Variants in CT45A10 observed in about 807,000 individuals in gnomAD.
CT45A10 encodes the protein cancer/testis antigen family 45 member A10.
In CT45A10, 19 loss-of-function variants were observed where a neutral mutation model predicts 8.3. The observed-to-expected ratio is 2.30, with a 90% CI of 1.61 to 3.38. CT45A10 has a LOEUF of 3.38. CT45A10 is among the 30% of genes most tolerant of loss of function. The pLI, the probability that CT45A10 is intolerant of heterozygous loss-of-function variation, is 0.00. For missense variants in CT45A10, 149 were observed against 85.9 expected, an observed-to-expected ratio of 1.73 and a Z score of -2.90; for synonymous variants, 28 against 26.5, an observed-to-expected ratio of 1.06 and a Z score of -0.17.
chrX:135,890,818 G>C (rs1279241278), intron 1 of CT45A10, among the ~76,000 whole-genome samples: 1 of 112,058 alleles, frequency 8.9e-6, no homozygotes, highest in Non-Finnish European at 1.9e-5. Flanking sequence ...CAAATCGAAG[G>C]TTTGGTAAAG....
intron 1 of CT45A10, among the ~76,000 whole-genome samples, chrX:135,889,928 C>G (rs2088484366): frequency 9.0e-6 from 1 of 111,631 alleles, no homozygotes; most frequent in Non-Finnish European, 1.9e-5. Context: ...AACCCCTGAC[C>G]TAAACTACTT....
rs1337490142 is a variant in CT45A10 at position 135,883,152 on chromosome X, C to G, written c.274G>C (p.Ala92Pro). 8.3e-7 allele frequency: 1 copy of G among 1,198,863 alleles called. No individual in the cohort carries two copies. The highest frequency in any genetic ancestry group is 1.8e-5 in the South Asian group (1 of 56,018). ...CTGGTAACGTTTCCTCCCACAGGTG[C>G]ATTGCTACCAGGTTTCTGCATCATC... ...DGMMQKPGSN[A>P]PVGGNVTSNF... Residue 92 changes from alanine to proline, a missense_variant, in exon 3 of 5, where the codon GCA (alanine) becomes CCA (proline). Physicochemically the swap from Ala to Pro is conservative, Grantham distance 27. Transcript: ENST00000682849.
chrX:135,892,935 CAT>C lies in CT45A10; in HGVS notation c.-7+408_-7+409del, dbSNP rs2088522146. 2.7e-5 allele frequency among the ~76,000 whole-genome samples: 3 copies of C among 109,843 alleles called. No individual in the cohort carries two copies. The South Asian group carries it at 1.2e-3, about 44-fold the overall frequency. ...AGCCACCACCACCCCGGCCCTTGAA[CAT>C]AGACAGAGCTCCCAAGGCAGAGTCC... On this transcript the variant is annotated intron_variant, in intron 1 of 4. Transcript: ENST00000682849.
At chrX:135,883,293 G>C (rs1251063801) in intron 2 of CT45A10, 37 bp from the exon 3 acceptor site, 4 of 1,193,362 alleles carry the variant, frequency 3.4e-6, no homozygotes, top group South Asian at 1.8e-5. Context: ...CCATCAGTTG[G>C]TGTTTGACCA....
chrX:135,882,134 G>A (rs2088383660), intron 4 of CT45A10, among the ~76,000 whole-genome samples: 1 of 43,101 alleles, frequency 2.3e-5, no homozygotes, highest in African/African-American at 1.0e-4. Flanking sequence ...TCTCTGTAAC[G>A]CAAAGGATAA....
intron 1 of CT45A10, among the ~76,000 whole-genome samples, 102 bp downstream of exon 1, chrX:135,893,243 A>G (rs2088526999): frequency 9.0e-6 from 1 of 111,470 alleles, no homozygotes; most frequent in African/African-American, 3.3e-5. Flanking sequence ...CCGACAGAGA[A>G]CACCTCAGAA....
chrX:135,889,754 T>C (rs946347682), intron 1 of CT45A10, among the ~76,000 whole-genome samples: 9 of 107,100 alleles, frequency 8.4e-5, no homozygotes, highest in African/African-American at 3.1e-4. Context: ...AGGAGACCAC[T>C]ACTACTCCTG....
chrX:135,889,366 C>G (rs1293101231), intron 1 of CT45A10: 2 of 109,626 alleles, frequency 1.8e-5, no homozygotes, highest in African/African-American at 6.7e-5. Flanking sequence ...GTGGTCCCAA[C>G]TACTCGGGAA....
chrX:135,892,018 G>GAAAAAA (rs11437506), intron 1 of CT45A10, among the ~76,000 whole-genome samples: 1 of 98,210 alleles, frequency 1.0e-5, no homozygotes. Flanking sequence ...AAAGTGCTCC[G>GAAAAAA]AAAAAAAAAA....
Position 135,883,245 on chromosome X carries a change from CT to C in CT45A10, c.180del (p.Gly61AspfsTer24), listed in dbSNP as rs2088408718. Reference protein sequence around the residue: ...SAMSKEKKLMTGHAIPPSQLD... With the variant: ...SAMSKEKKLMXGHAIPPSQLD... ...AATTGGCTGGGTGGAATAGCATGTC[CT>C]GTCATAAGCTCTGGTGAAACAAATT... On this transcript the variant is annotated frameshift_variant, in exon 3 of 5. Transcript: ENST00000682849. LOFTEE classifies it high-confidence loss of function. 8.4e-7 allele frequency: 1 copy of C among 1,194,946 alleles called. No homozygotes were observed. The highest frequency in any genetic ancestry group is 1.8e-5 in the African/African-American group (1 of 56,224).
rs1326009534 is a variant in CT45A10 at position 135,883,050 on chromosome X, T to C, written c.376A>G (p.Ile126Val). The C allele has an allele frequency of 6.6e-5, 79 of 1,197,371 alleles. 3 individuals are homozygous for C. Among genetic ancestry groups the C allele is most frequent in the Non-Finnish European group, 8.5e-5 (75 of 885,512 alleles). ...ATTTCCTTCACTACTTGACATTTTA[T>C]ATCAGCATTAATTTCTTGTTGGCTT... ...PKSQQEINAD[I>V]KCQVVKEIRC... The change falls in exon 3 of 5, where the codon ATA becomes GTA. Residue 126 changes from isoleucine to valine, a missense_variant. Coordinates refer to ENST00000682849, the MANE Select transcript of CT45A10 (RefSeq NM_001291529.2).
Position 135,882,617 on chromosome X carries a change from A to C in CT45A10, c.431T>G (p.Ile144Ser). Residue 144 changes from isoleucine (I) to serine (S), a missense_variant, in exon 4 of 5, where the codon ATC (isoleucine) becomes AGC (serine). Coordinates refer to ENST00000682849, the MANE Select transcript of CT45A10 (RefSeq NM_001291529.2). ...IRCLGRKYEK[I>S]FEMLEGVQGP... ...TTGCACTCCTTCAAGCATTTCGAAG[A>C]TTTTTTCATATTCTGAAGATGTTGA... is the stretch of plus-strand genomic sequence containing the variant. 1.2e-5 allele frequency: 14 copies of C among 1,161,996 alleles called. No homozygotes were observed. The highest frequency in any genetic ancestry group is 1.6e-5 in the Non-Finnish European group (14 of 868,651).
intron 1 of CT45A10, among the ~76,000 whole-genome samples, chrX:135,886,785 C>T (rs1367993453): frequency 1.3e-4 from 9 of 69,408 alleles, no homozygotes; most frequent in Non-Finnish European, 2.0e-4. Context: ...TTTTTTGAGT[C>T]GGAGCCTCGC....
chrX:135,892,906 G>A (rs1439373554), intron 1 of CT45A10, among the ~76,000 whole-genome samples: 2 of 109,588 alleles, frequency 1.8e-5, no homozygotes, highest in African/African-American at 6.7e-5. Context: ...TGTGTCCAGG[G>A]CACAGCCACC....
At chrX:135,882,861 G>C in intron 3 of CT45A10, 147 bp downstream of exon 3, 1 of 616,727 alleles carries the variant, frequency 1.6e-6, no homozygotes, top group Non-Finnish European at 2.5e-6. Flanking sequence ...ACATGCTTTA[G>C]TCAAAGAAAA....
Position 135,891,611 on chromosome X carries a change from T to G in CT45A10, c.-7+1734A>C, listed in dbSNP as rs782587588. ...ATACCCGGACTCTGACTTTACTCCA[T>G]TCCATGAAAATTTATTTGAGGTGAA... On this transcript the variant is annotated intron_variant, in intron 1 of 4. Coordinates refer to ENST00000682849, the MANE Select transcript of CT45A10 (RefSeq NM_001291529.2). 5.0e-4 allele frequency among the ~76,000 whole-genome samples: 55 copies of G among 110,169 alleles called. 1 individual carries two copies. Among genetic ancestry groups the G allele is most frequent in the Non-Finnish European group, 8.7e-4 (46 of 52,828 alleles).
intron 1 of CT45A10, among the ~76,000 whole-genome samples, chrX:135,891,237 C>T (rs1311565920): frequency 9.1e-6 from 1 of 110,460 alleles, no homozygotes; most frequent in East Asian, 2.8e-4. Flanking sequence ...ATAAAGAATA[C>T]ATTGTTTAAT....
intron 1 of CT45A10, among the ~76,000 whole-genome samples, chrX:135,889,920 C>T (rs1013297055): frequency 1.8e-5 from 2 of 111,383 alleles, no homozygotes; most frequent in Non-Finnish European, 3.8e-5. Context: ...ATAATTTCAA[C>T]CCCTGACCTA....
At position 135,883,127 on chromosome X, in the gene CT45A10, C is replaced by A; in HGVS notation, c.299G>T (p.Ser100Ile). Residue 100 changes from serine to isoleucine, a missense_variant, in exon 3 of 5, where the codon AGC becomes ATC. Transcript: ENST00000682849. ...SNAPVGGNVT[S>I]NFSGDDLECR... ...TTCTAGGTCATCTCCAGAGAAATTGCTGGTAACGTTTCCTCCCACAGGTGC... is the reference window on the plus strand; with the variant it reads ...TTCTAGGTCATCTCCAGAGAAATTGATGGTAACGTTTCCTCCCACAGGTGC... 5 of 1,198,977 alleles carry A rather than the reference C, an allele frequency of 4.2e-6. 1 individual carries two copies. The highest frequency in any genetic ancestry group is 3.4e-6 in the Non-Finnish European group (3 of 885,944).
Sources: gnomAD v4.1 joint callset for allele counts (sites outside exome capture counted in the v4.1 genomes callset) on GRCh38, gnomAD v4.1.1 for gene constraint, MANE v1.5 for transcripts, NCBI Gene and HGNC (gene_info 2026-07-23, HGNC 2026-07-21) for gene names.